Variants in AGBL1 observed in about 807,000 individuals in gnomAD.
AGBL1 encodes cytosolic carboxypeptidase 4.
Under a neutral mutation model 118.9 loss-of-function variants are expected in AGBL1, and 130 were observed. That is an observed-to-expected ratio of 1.09 (90% CI 0.95 to 1.26). The LOEUF (loss-of-function observed/expected upper bound fraction) is 1.26, where lower values mean the gene tolerates loss of function less well. Ranked by LOEUF, AGBL1 falls within the 50% of genes most tolerant of loss-of-function variation. The probability of loss-of-function intolerance (pLI) is 0.00; values close to 1 mark genes in which losing one functional copy is unlikely to be tolerated. For synonymous variants in AGBL1, 555 were observed against 478.9 expected, an observed-to-expected ratio of 1.16 and a Z score of -2.08; for missense variants, 1,584 against 1,298.1, an observed-to-expected ratio of 1.22 and a Z score of -3.38.
At chr15:86,194,633 A>C (rs2077772061) in intron 5 of AGBL1, among the ~76,000 whole-genome samples, 1 of 152,154 alleles carries the variant, frequency 6.6e-6, no homozygotes, top group Admixed American at 6.5e-5. Context: ...TCCTACGATA[A>C]CCTGGGTGAT....
chr15:86,388,220 G>A (rs1185069583), intron 17 of AGBL1, among the ~76,000 whole-genome samples: 1 of 152,096 alleles, frequency 6.6e-6, no homozygotes, highest in Non-Finnish European at 1.5e-5. Flanking sequence ...ATTATTAGCC[G>A]TGATTACCTG....
At chr15:86,278,918 A>G (rs2079302472) in intron 15 of AGBL1, among the ~76,000 whole-genome samples, 1 of 152,234 alleles carries the variant, frequency 6.6e-6, no homozygotes, top group Non-Finnish European at 1.5e-5. Flanking sequence ...TGCACTCTCA[A>G]GCCTTACGAA....
chr15:86,618,399 A>G (rs1224266556), intron 21 of AGBL1, among the ~76,000 whole-genome samples: 2 of 152,174 alleles, frequency 1.3e-5, no homozygotes, highest in Non-Finnish European at 2.9e-5. Flanking sequence ...AAGGTGATAA[A>G]GCAAACGGAG....
intron 4 of AGBL1, among the ~76,000 whole-genome samples, 196 bp from the exon 5 acceptor site, chr15:86,158,737 A>G (rs2077226195): frequency 1.3e-5 from 2 of 152,242 alleles, no homozygotes; most frequent in African/African-American, 4.8e-5. Context: ...TAGTTGCGGC[A>G]CAGTCAAGTC....
At chr15:86,307,484 C>G (rs150618053) in intron 17 of AGBL1, among the ~76,000 whole-genome samples, 20 of 151,974 alleles carry the variant, frequency 1.3e-4, no homozygotes, top group African/African-American at 4.8e-4. Context: ...ATTTTTTACA[C>G]TTGTAAGCAT....
intron 21 of AGBL1, among the ~76,000 whole-genome samples, chr15:86,571,982 C>G (rs780892977): frequency 2.0e-5 from 3 of 152,216 alleles, no homozygotes; most frequent in Non-Finnish European, 4.4e-5. Context: ...CTTAGCCTCC[C>G]TCCCATGCTT....
At chr15:86,260,272 C>A (rs921214810) in intron 9 of AGBL1, among the ~76,000 whole-genome samples, 1 of 152,214 alleles carries the variant, frequency 6.6e-6, no homozygotes, top group Admixed American at 6.5e-5. Flanking sequence ...TGATCCAGGC[C>A]TTTAACCTGT....
intron 5 of AGBL1, among the ~76,000 whole-genome samples, chr15:86,209,686 T>C (rs2078058553): frequency 6.6e-6 from 1 of 152,196 alleles, no homozygotes; most frequent in African/African-American, 2.4e-5. Flanking sequence ...CTTCCATCCC[T>C]TTATTTTGAG....
chr15:86,115,577 C>T (rs1008607006), intron 1 of AGBL1, among the ~76,000 whole-genome samples: 4 of 152,156 alleles, frequency 2.6e-5, no homozygotes, highest in Non-Finnish European at 5.9e-5. Flanking sequence ...TATACTTACT[C>T]CCAGATACCG....
intron 18 of AGBL1, among the ~76,000 whole-genome samples, chr15:86,420,886 A>G (rs1044744910): frequency 3.3e-5 from 5 of 152,216 alleles, no homozygotes; most frequent in Non-Finnish European, 5.9e-5. Context: ...TTAATGAAAT[A>G]AAGTGTGAAG....
chr15:86,308,571 T>C (rs1449962993), intron 17 of AGBL1, among the ~76,000 whole-genome samples: 3 of 152,236 alleles, frequency 2.0e-5, no homozygotes, highest in African/African-American at 7.2e-5. Context: ...TACATTTATG[T>C]TTTAAATTCA....
chr15:86,122,939 C>T (rs1898174732), intron 1 of AGBL1, among the ~76,000 whole-genome samples: 1 of 152,258 alleles, frequency 6.6e-6, no homozygotes, highest in South Asian at 2.1e-4. Context: ...ACACCAAATT[C>T]CAGCCTGACT....
intron 18 of AGBL1, among the ~76,000 whole-genome samples, chr15:86,453,466 G>A (rs1020251056): frequency 1.3e-5 from 2 of 152,264 alleles, no homozygotes; most frequent in Admixed American, 6.5e-5. Context: ...GAGAGAGCCC[G>A]AACACTTCTC....
chr15:86,897,653 C>A (rs2080147339), intron 22 of AGBL1, among the ~76,000 whole-genome samples: 1 of 151,888 alleles, frequency 6.6e-6, no homozygotes, highest in African/African-American at 2.4e-5. Flanking sequence ...ATTTTCCCCC[C>A]AGTGGTTTCC....
At chr15:86,633,769 A>G (rs1479208236) in intron 21 of AGBL1, among the ~76,000 whole-genome samples, 3 of 147,384 alleles carry the variant, frequency 2.0e-5, no homozygotes, top group Admixed American at 6.8e-5. Context: ...TATAAATACA[A>G]TATTTTATGT....
At chr15:86,772,786 C>G (rs371738000) in intron 22 of AGBL1, among the ~76,000 whole-genome samples, 8 of 151,952 alleles carry the variant, frequency 5.3e-5, no homozygotes, top group African/African-American at 1.9e-4. Flanking sequence ...GCTGCTGATA[C>G]GTACAATAAG....
intron 18 of AGBL1, among the ~76,000 whole-genome samples, chr15:86,413,740 G>C (rs1220222389): frequency 6.6e-6 from 1 of 151,860 alleles, no homozygotes; most frequent in Non-Finnish European, 1.5e-5. Flanking sequence ...TTTTTGTTGA[G>C]TTGTTTGTGT....
At chr15:86,797,606 C>T (rs1432043155) in intron 22 of AGBL1, among the ~76,000 whole-genome samples, 2 of 152,120 alleles carry the variant, frequency 1.3e-5, no homozygotes, top group African/African-American at 4.8e-5. Context: ...TGAGATAGGT[C>T]AGGACAAAGA....
intron 17 of AGBL1, among the ~76,000 whole-genome samples, chr15:86,307,648 T>G (rs921190789): frequency 1.3e-5 from 2 of 152,062 alleles, no homozygotes; most frequent in African/African-American, 4.8e-5. Context: ...GTGCCTGTAG[T>G]CCCAACCATT....
Sources: allele counts gnomAD v4.1 joint callset (sites outside exome capture counted in the v4.1 genomes callset), GRCh38; gene constraint gnomAD v4.1.1; transcripts MANE v1.5; gene names NCBI Gene and HGNC (gene_info 2026-07-23, HGNC 2026-07-21).